Variants in UNC13C observed in about 807,000 individuals in gnomAD.
The protein encoded by UNC13C is protein unc-13 homolog C.
A neutral mutation model predicts 245.4 loss-of-function variants in UNC13C; 174 were observed. The observed-to-expected ratio is 0.71, with a 90% confidence interval of 0.63 to 0.80. UNC13C has a LOEUF of 0.80. Ranked by LOEUF, UNC13C falls within the 30% of genes least tolerant of loss-of-function variation. The probability of loss-of-function intolerance (pLI) is 0.00; values close to 1 mark genes in which losing one functional copy is unlikely to be tolerated. For synonymous variants in UNC13C, 992 were observed against 895.1 expected, an observed-to-expected ratio of 1.11 and a Z score of -1.93; for missense variants, 2,829 against 2,602.9, an observed-to-expected ratio of 1.09 and a Z score of -1.89.
At position 54,074,119 on chromosome 15, in the gene UNC13C, C is replaced by G. The variant is rs1312899285; in HGVS notation, c.2983+58233C>G. ...TATGGCTAGCCAGTTTTCCCAACAC[C>G]ATTTATTGAAAAGAGAATCTTTCCC... On this transcript the variant is annotated intron_variant, in intron 2 of 32. Transcript: ENST00000260323. 3.9e-5 allele frequency among the ~76,000 whole-genome samples: 4 copies of G among 103,544 alleles called. No individual in the cohort carries two copies. The Admixed American group carries it at 4.7e-4, about 12-fold the overall frequency. The allele number at this position is 103,544 out of a possible 152,430, so 67.9% of individuals were successfully genotyped here.
Position 54,014,712 on chromosome 15 carries a change from C to A in UNC13C, c.1809C>A (p.Asp603Glu), listed in dbSNP as rs1489434543. 4 of 1,613,782 alleles carry A rather than the reference C, an allele frequency of 2.5e-6. No homozygotes were observed. The highest frequency in any genetic ancestry group is 3.4e-6 in the Non-Finnish European group (4 of 1,179,832). ...GTATLYDSPK[D>E]QHLNGGVQGI... The stretch of plus-strand genomic sequence containing the variant: ...CGACCCTGTATGACAGTCCCAAGGA[C>A]CAGCATTTGAATGGAGGTGTTCAGG... The change falls in exon 2 of 33, where the codon GAC becomes GAA. Residue 603 changes from aspartate to glutamate, a missense_variant. By Grantham distance (45) the Asp-to-Glu change is conservative (BLOSUM62 2). Transcript: ENST00000260323.
At chr15:54,384,032 T>C (rs1276505359) in intron 17 of UNC13C, among the ~76,000 whole-genome samples, 2 of 152,146 alleles carry the variant, frequency 1.3e-5, no homozygotes, top group Non-Finnish European at 2.9e-5. Flanking sequence ...TGGAAAGACA[T>C]TACTTGTTCA....
intron 2 of UNC13C, among the ~76,000 whole-genome samples, chr15:54,097,754 T>C (rs775669121): frequency 3.9e-5 from 6 of 152,226 alleles, no homozygotes; most frequent in Non-Finnish European, 8.8e-5. Context: ...AATGGTTAAC[T>C]GTGTGTAGTT....
chr15:54,234,240 GTATATA>G (rs71132791), intron 4 of UNC13C, among the ~76,000 whole-genome samples: 1 of 148,202 alleles, frequency 6.7e-6, no homozygotes, highest in African/African-American at 2.5e-5. Context: ...TCCCATGTCA[GTATATA>G]TATATATATA....
intron 30 of UNC13C, among the ~76,000 whole-genome samples, chr15:54,610,846 AG>A (rs771068426): frequency 1.7e-4 from 26 of 152,226 alleles, no homozygotes; most frequent in Non-Finnish European, 3.2e-4. Flanking sequence ...CATCACTATT[AG>A]GTTTCATCTC....
At chr15:54,433,751 A>T (rs1406776392) in intron 19 of UNC13C, among the ~76,000 whole-genome samples, 1 of 152,068 alleles carries the variant, frequency 6.6e-6, no homozygotes, top group Non-Finnish European at 1.5e-5. Context: ...AGATACGAGA[A>T]AGAAATGAAG....
chr15:54,089,677 T>C (rs76445097), intron 2 of UNC13C, among the ~76,000 whole-genome samples: 160 of 135,536 alleles, frequency 1.2e-3, no homozygotes, highest in African/African-American at 3.2e-3. Context: ...TTTTTTTTTT[T>C]CCCACAACAT....
At chr15:54,449,270 A>G (rs1434418761) in intron 19 of UNC13C, among the ~76,000 whole-genome samples, 4 of 152,180 alleles carry the variant, frequency 2.6e-5, no homozygotes, top group African/African-American at 9.6e-5. Context: ...TGCTCTTCTC[A>G]AGGAGTATCT....
At chr15:53,884,370 C>G in the UNC13C span, among the ~76,000 whole-genome samples, 2 of 152,136 alleles carry the variant, frequency 1.3e-5, no homozygotes, top group Admixed American at 6.6e-5. Flanking sequence ...GTTCTGTCAT[C>G]CAGGCTAGGA....
intron 2 of UNC13C, among the ~76,000 whole-genome samples, chr15:54,058,796 G>A (rs541175603): frequency 1.3e-5 from 2 of 152,254 alleles, no homozygotes; most frequent in African/African-American, 4.8e-5. Context: ...GGGATGCAAG[G>A]CTGGTTCAAC....
chr15:54,159,157 G>A (rs1030898227), intron 4 of UNC13C, among the ~76,000 whole-genome samples: 5 of 152,202 alleles, frequency 3.3e-5, no homozygotes, highest in African/African-American at 9.7e-5. Flanking sequence ...CTGGCAATGT[G>A]TCTTACTTAT....
intron 30 of UNC13C, among the ~76,000 whole-genome samples, chr15:54,588,402 C>G (rs79685246): frequency 0.016 from 2,486 of 152,220 alleles, 61 homozygotes; most frequent in African/African-American, 0.051. Flanking sequence ...ATGAGGTTGA[C>G]AGTAGTGTCC....
At chr15:54,546,030 T>C (rs1414924237) in intron 26 of UNC13C, among the ~76,000 whole-genome samples, 1 of 152,174 alleles carries the variant, frequency 6.6e-6, no homozygotes, top group Admixed American at 6.5e-5. Flanking sequence ...CATAAGTTTA[T>C]TGCAGCACTA....
chr15:53,897,600 A>G, the UNC13C span, among the ~76,000 whole-genome samples: 1 of 152,164 alleles, frequency 6.6e-6, no homozygotes, highest in Non-Finnish European at 1.5e-5. Flanking sequence ...TTAAATGGCA[A>G]TACATTACAA....
At chr15:54,456,456 A>G (rs988689017) in intron 19 of UNC13C, among the ~76,000 whole-genome samples, 3 of 152,038 alleles carry the variant, frequency 2.0e-5, no homozygotes, top group Non-Finnish European at 4.4e-5. Flanking sequence ...GATCATTTTC[A>G]TAATATTGGT....
chr15:54,554,628 A>C (rs1897019119), intron 28 of UNC13C, among the ~76,000 whole-genome samples: 1 of 152,066 alleles, frequency 6.6e-6, no homozygotes, highest in African/African-American at 2.4e-5. Context: ...CTCTGCGAAC[A>C]GTGCTGGCAC....
chr15:54,414,888 T>C (rs2040488214), intron 18 of UNC13C, 94 bp from the exon 19 acceptor site: 1 of 677,890 alleles, frequency 1.5e-6, no homozygotes. Context: ...ATGAACTATG[T>C]AATAACTACT....
intron 18 of UNC13C, among the ~76,000 whole-genome samples, chr15:54,412,725 C>T (rs2040440815): frequency 6.6e-6 from 1 of 152,098 alleles, no homozygotes. Flanking sequence ...ATGTAGAAAA[C>T]CATGTTGTCT....
the UNC13C span, among the ~76,000 whole-genome samples, chr15:53,906,616 C>T: frequency 6.6e-6 from 1 of 152,204 alleles, no homozygotes; most frequent in Non-Finnish European, 1.5e-5. Context: ...TGAATTTTCC[C>T]TTCAGGAATT....
Sources: allele counts gnomAD v4.1 joint callset (sites outside exome capture counted in the v4.1 genomes callset), GRCh38; gene constraint gnomAD v4.1.1; transcripts MANE v1.5; gene names NCBI Gene and HGNC (gene_info 2026-07-23, HGNC 2026-07-21).